The following STEAP1B variants were observed in gnomAD, a reference collection of about 807,000 sequenced individuals.
STEAP1B encodes the protein STEAP family protein MGC87042.
A neutral mutation model predicts 27.9 loss-of-function variants in STEAP1B; 13 were observed. The observed-to-expected ratio is 0.47, with a 90% CI of 0.30 to 0.74. The LOEUF (loss-of-function observed/expected upper bound fraction) is 0.74. Ranked by LOEUF, STEAP1B falls within the 30% of genes least tolerant of loss-of-function variation. The pLI, the probability that STEAP1B is intolerant of heterozygous loss-of-function variation, is 0.06. For missense variants in STEAP1B, 250 were observed against 298.7 expected (o/e 0.84, Z 1.20); for synonymous variants, 86 against 107.1 (o/e 0.80, Z 1.22).
At chr7:22,437,470 GGT>G (rs2128401170) in intron 4 of STEAP1B, among the ~76,000 whole-genome samples, 1 of 152,140 alleles carries the variant, frequency 6.6e-6, no homozygotes, top group East Asian at 1.9e-4. Context: ...TTCCATTGTG[GGT>G]ATATACATTT....
chr7:22,439,828 T>G (rs1411321395), intron 4 of STEAP1B, among the ~76,000 whole-genome samples: 3 of 152,058 alleles, frequency 2.0e-5, no homozygotes, highest in African/African-American at 7.2e-5. Context: ...AGAGCTTATA[T>G]GAAGTATCCA....
intron 4 of STEAP1B, among the ~76,000 whole-genome samples, chr7:22,459,951 G>C (rs1366277312): frequency 6.6e-6 from 1 of 152,108 alleles, no homozygotes; most frequent in African/African-American, 2.4e-5. Flanking sequence ...GTTCAGGTTG[G>C]TGGCCTGTGG....
intron 4 of STEAP1B, among the ~76,000 whole-genome samples, chr7:22,427,245 G>A (rs765563184): frequency 6.6e-5 from 10 of 152,184 alleles, no homozygotes; most frequent in Non-Finnish European, 1.3e-4. Flanking sequence ...CGACTGCAGG[G>A]GAGCAGGAGA....
chr7:22,474,841 C>G (rs996746531), intron 4 of STEAP1B, among the ~76,000 whole-genome samples: 15 of 152,204 alleles, frequency 9.9e-5, no homozygotes, highest in Non-Finnish European at 2.2e-4. Context: ...GGTGAGTGGA[C>G]AGCTCCCATT....
At chr7:22,481,999 G>A (rs1422295975) in intron 4 of STEAP1B, among the ~76,000 whole-genome samples, 1 of 152,198 alleles carries the variant, frequency 6.6e-6, no homozygotes, top group Non-Finnish European at 1.5e-5. Flanking sequence ...GCTCTGGGGA[G>A]ACTGGGTGGC....
intron 4 of STEAP1B, among the ~76,000 whole-genome samples, chr7:22,480,672 T>C (rs929935812): frequency 6.6e-6 from 1 of 152,216 alleles, no homozygotes; most frequent in Non-Finnish European, 1.5e-5. Flanking sequence ...AATCATGCTA[T>C]GGTGTTTCCC....
intron 1 of STEAP1B, 49 bp downstream of exon 1, chr7:22,500,065 G>C (rs969248372): frequency 1.3e-5 from 2 of 152,886 alleles, no homozygotes; most frequent in African/African-American, 2.4e-5. Context: ...GGGACACGCA[G>C]GCGGACTCGA....
intron 4 of STEAP1B, among the ~76,000 whole-genome samples, chr7:22,434,072 C>T (rs544561552): frequency 5.3e-4 from 80 of 152,298 alleles, no homozygotes; most frequent in African/African-American, 1.8e-3. Flanking sequence ...CAAGGGTCAC[C>T]GGTTACTCTC....
chr7:22,454,834 T>TAA (rs1369338593), intron 4 of STEAP1B, among the ~76,000 whole-genome samples: 46 of 60,806 alleles, frequency 7.6e-4, no homozygotes, highest in Non-Finnish European at 1.0e-3. Flanking sequence ...ATATTATATA[T>TAA]ATATATATAT....
chr7:22,470,532 A>G (rs1181206760), intron 4 of STEAP1B, among the ~76,000 whole-genome samples: 1 of 152,160 alleles, frequency 6.6e-6, no homozygotes, highest in Non-Finnish European at 1.5e-5. Flanking sequence ...GCACTTTGGG[A>G]GGCTGAGGTG....
intron 4 of STEAP1B, among the ~76,000 whole-genome samples, chr7:22,432,257 G>T (rs1785196797): frequency 6.6e-6 from 1 of 151,928 alleles, no homozygotes; most frequent in Non-Finnish European, 1.5e-5. Flanking sequence ...TAAATTTCTG[G>T]GCTGGATGTG....
At chr7:22,486,045 C>A (rs753096407) in intron 4 of STEAP1B, among the ~76,000 whole-genome samples, 1 of 152,148 alleles carries the variant, frequency 6.6e-6, no homozygotes, top group Non-Finnish European at 1.5e-5. Flanking sequence ...CTCGGTTGCA[C>A]ATTAAGATTA....
At chr7:22,451,110 T>G (rs1441691581) in intron 4 of STEAP1B, among the ~76,000 whole-genome samples, 1 of 152,012 alleles carries the variant, frequency 6.6e-6, no homozygotes, top group Admixed American at 6.6e-5. Flanking sequence ...GGCACAAGAA[T>G]TGTTTAAACC....
At chr7:22,431,389 C>CT (rs972779053) in intron 4 of STEAP1B, among the ~76,000 whole-genome samples, 5 of 152,156 alleles carry the variant, frequency 3.3e-5, no homozygotes, top group African/African-American at 1.2e-4. Flanking sequence ...AGTGAAACAT[C>CT]TTTTTTTCCA....
Position 22,464,750 on chromosome 7 carries a change from AG to A in STEAP1B, c.762+27814del, listed in dbSNP as rs1583644117. ...GCAAGCCTAGGAGAGAGGCCTCGGG[AG>A]AAATGAAACTTGCTGACACCTTGGT... On this transcript the variant is annotated intron_variant, in intron 4 of 4. Coordinates refer to ENST00000678116, the MANE Select transcript of STEAP1B (RefSeq NM_001382447.1). Among the ~76,000 whole-genome samples the A allele has an allele frequency of 4.0e-5, 6 of 151,590 alleles. No individual in the cohort carries two copies. The East Asian group carries it at 9.7e-4, about 25-fold the overall frequency.
At chr7:22,498,259 C>T (rs1271880671) in intron 1 of STEAP1B, among the ~76,000 whole-genome samples, 2 of 152,142 alleles carry the variant, frequency 1.3e-5, no homozygotes, top group Non-Finnish European at 2.9e-5. Context: ...TGGTGTTAAA[C>T]CATGAGAAAC....
chr7:22,487,608 C>T (rs1165452921), intron 4 of STEAP1B, among the ~76,000 whole-genome samples: 2 of 151,488 alleles, frequency 1.3e-5, no homozygotes, highest in East Asian at 3.9e-4. Flanking sequence ...AGTTCAAGAC[C>T]AGCCTGACCA....
chr7:22,449,282 C>G (rs1186622672), intron 4 of STEAP1B, among the ~76,000 whole-genome samples: 5 of 152,322 alleles, frequency 3.3e-5, no homozygotes, highest in Non-Finnish European at 2.9e-5. Flanking sequence ...ACCCCCTGAT[C>G]TCCATCCCAA....
At chr7:22,426,603 G>C (rs1488709722) in intron 4 of STEAP1B, among the ~76,000 whole-genome samples, 2 of 152,204 alleles carry the variant, frequency 1.3e-5, no homozygotes, top group East Asian at 3.8e-4. Context: ...GTCACATGGG[G>C]CAGTGGCTTT....
Sources: gnomAD v4.1 joint callset for allele counts (sites outside exome capture counted in the v4.1 genomes callset) on GRCh38, gnomAD v4.1.1 for gene constraint, MANE v1.5 for transcripts, NCBI Gene and HGNC (gene_info 2026-07-23, HGNC 2026-07-21) for gene names.